The following CD109 variants were observed in gnomAD, a reference collection of about 807,000 sequenced individuals.
CD109 encodes CD109 antigen.
In CD109, 149 loss-of-function variants were observed where a neutral mutation model predicts 165.8. The ratio of observed to expected loss-of-function variants is 0.90; its 90% CI spans 0.79 to 1.03. The LOEUF is 1.03. Among genes scored for constraint, CD109 ranks in the 50% least tolerant of loss-of-function variants. The pLI is 0.00. For missense variants in CD109, 1,712 were observed against 1,677.8 expected (o/e 1.02, Z -0.36); for synonymous variants, 585 against 592.1 (o/e 0.99, Z 0.18).
intron 5 of CD109, among the ~76,000 whole-genome samples, chr6:73,740,121 C>T (rs1300276424): frequency 1.3e-5 from 2 of 152,174 alleles, no homozygotes; most frequent in Non-Finnish European, 2.9e-5. Flanking sequence ...TCAAGCAATC[C>T]TTCTGCCTTG....
At chr6:73,726,937 A>G (rs1327006106) in intron 3 of CD109, among the ~76,000 whole-genome samples, 1 of 152,138 alleles carries the variant, frequency 6.6e-6, no homozygotes, top group Admixed American at 6.5e-5. Context: ...TGGGTAAATA[A>G]TTGACTCCTG....
At chr6:73,705,693 A>G (rs1771243225) in intron 2 of CD109, among the ~76,000 whole-genome samples, 1 of 152,114 alleles carries the variant, frequency 6.6e-6, no homozygotes. Context: ...GGGTAAATTG[A>G]AAATGTCTCA....
intron 11 of CD109, 125 bp downstream of exon 11, chr6:73,766,279 A>G: frequency 1.3e-6 from 1 of 748,348 alleles, no homozygotes; most frequent in Non-Finnish European, 2.2e-6. Context: ...CTGTTTCACA[A>G]AATGGAGGAG....
the CD109 span, among the ~76,000 whole-genome samples, chr6:73,684,361 A>T: frequency 6.6e-6 from 1 of 151,726 alleles, no homozygotes; most frequent in Non-Finnish European, 1.5e-5. Flanking sequence ...CTGGGACTAC[A>T]GCTGAGTGCC....
intron 2 of CD109, among the ~76,000 whole-genome samples, chr6:73,711,016 AT>A (rs1222024075): frequency 6.6e-6 from 1 of 152,106 alleles, no homozygotes; most frequent in Admixed American, 6.6e-5. Context: ...CCCCCCAGCT[AT>A]TTAGAAATGC....
At position 73,767,023 on chromosome 6, in the gene CD109, A is replaced by G. The variant is rs201913387; in HGVS notation, c.1497+13A>G. ...GTTAAGCTATATGGTAATCTCTTAT[A>G]GAATCTAAATTTATGATCTATTATA... On this transcript the variant is annotated intron_variant, in intron 13 of 32. Coordinates refer to ENST00000287097, the MANE Select transcript of CD109 (RefSeq NM_133493.5). 8.1e-4 allele frequency: 1,299 copies of G among 1,603,664 alleles called. 9 individuals are homozygous for G. The South Asian group carries it at 0.011, about 14-fold the overall frequency.
intron 5 of CD109, 25 bp from the exon 6 acceptor site, chr6:73,756,618 C>CTT (rs777715032): frequency 2.0e-6 from 3 of 1,490,398 alleles, no homozygotes; most frequent in South Asian, 1.3e-5. Flanking sequence ...ACTTTCCTGT[C>CTT]TTTTTTTTCT....
At chr6:73,686,386 G>A in the CD109 span, among the ~76,000 whole-genome samples, 1 of 152,276 alleles carries the variant, frequency 6.6e-6, no homozygotes, top group East Asian at 1.9e-4. Context: ...TCTGAATTTT[G>A]CTAATACATC....
intron 22 of CD109, 40 bp from the exon 23 acceptor site, chr6:73,792,586 T>C: frequency 6.3e-7 from 1 of 1,588,744 alleles, no homozygotes. Flanking sequence ...TCGTTGTTAC[T>C]GAGTATTTAC....
intron 32 of CD109, 70 bp downstream of exon 32, chr6:73,820,633 C>A: frequency 1.1e-6 from 1 of 922,628 alleles, no homozygotes; most frequent in Non-Finnish European, 1.7e-6. Context: ...TTGGAAGTGA[C>A]CACACATTGG....
chr6:73,799,855 G>C (rs57799429), intron 23 of CD109, among the ~76,000 whole-genome samples: 79,584 of 147,684 alleles, frequency 0.54, 21,911 homozygotes, highest in African/African-American at 0.65. Flanking sequence ...ATTTCCCCCC[G>C]CAATTTTTTT....
chr6:73,696,998 TAAC>T (rs1175269581), intron 1 of CD109, among the ~76,000 whole-genome samples: 2 of 152,142 alleles, frequency 1.3e-5, no homozygotes, highest in African/African-American at 2.4e-5. Context: ...AGTTAAAAAA[TAAC>T]AACAACAACA....
At chr6:73,679,279 C>A in the CD109 span, among the ~76,000 whole-genome samples, 1 of 151,918 alleles carries the variant, frequency 6.6e-6, no homozygotes, top group Non-Finnish European at 1.5e-5. Context: ...CAAGGCAAGT[C>A]CAGCCAGGAT....
At position 73,818,456 on chromosome 6, in the gene CD109, C is replaced by T. The variant is rs765315736; in HGVS notation, c.3980C>T (p.Pro1327Leu). The part of the protein sequence containing the change: ...EVNLLSGFMV[P>L]SEAISLSETV... Reference sequence around the variant, plus strand: ...AACCTATTAAGTGGCTTTATGGTGCCTTCAGAAGCAATTTCTCTGAGCGAG... The same window carrying T: ...AACCTATTAAGTGGCTTTATGGTGCTTTCAGAAGCAATTTCTCTGAGCGAG... The change falls in exon 31 of 33, where the codon CCT (proline) becomes CTT (leucine). Residue 1327 changes from proline to leucine, a missense_variant. Transcript: ENST00000287097. 1.4e-5 allele frequency: 22 copies of T among 1,613,700 alleles called. No homozygotes were observed. The highest frequency in any genetic ancestry group is 1.8e-5 in the Non-Finnish European group (21 of 1,179,872).
intron 3 of CD109, among the ~76,000 whole-genome samples, chr6:73,728,274 C>T (rs981052324): frequency 1.3e-5 from 2 of 152,114 alleles, no homozygotes; most frequent in African/African-American, 2.4e-5. Flanking sequence ...TGGGCCACTG[C>T]ACTCCAGCCT....
intron 22 of CD109, among the ~76,000 whole-genome samples, chr6:73,791,714 T>C (rs1416062706): frequency 6.6e-6 from 1 of 152,250 alleles, no homozygotes; most frequent in Non-Finnish European, 1.5e-5. Context: ...TATGTTCACT[T>C]TGAATATTAA....
chr6:73,791,849 T>TC (rs1774983670), intron 22 of CD109, among the ~76,000 whole-genome samples: 1 of 152,190 alleles, frequency 6.6e-6, no homozygotes, highest in South Asian at 2.1e-4. Context: ...CCCTTTTTTT[T>TC]CATATTCATT....
At position 73,755,681 on chromosome 6, in the gene CD109, G is replaced by C. The variant is rs534245465; in HGVS notation, c.634-962G>C. 6.6e-5 allele frequency among the ~76,000 whole-genome samples: 10 copies of C among 152,178 alleles called. No homozygotes were observed. In the South Asian group the frequency reaches 2.1e-3, roughly 32 times the overall value. On this transcript the variant is annotated intron_variant, in intron 5 of 32. Coordinates refer to ENST00000287097, the MANE Select transcript of CD109 (RefSeq NM_133493.5). Reference sequence around the variant, plus strand: ...GAGCGATTTAGAAATATGAAGAGTTGACTGGGCATGGTGTCTCATGCCTGT... The same window carrying C: ...GAGCGATTTAGAAATATGAAGAGTTCACTGGGCATGGTGTCTCATGCCTGT...
At chr6:73,740,615 T>C (rs1208866426) in intron 5 of CD109, among the ~76,000 whole-genome samples, 4 of 136,866 alleles carry the variant, frequency 2.9e-5, no homozygotes, top group African/African-American at 1.0e-4. Flanking sequence ...TTTTTTTTTT[T>C]TTCGAGACAG....
Sources: gnomAD v4.1 joint callset for allele counts (sites outside exome capture counted in the v4.1 genomes callset) on GRCh38, gnomAD v4.1.1 for gene constraint, MANE v1.5 for transcripts, NCBI Gene and HGNC (gene_info 2026-07-23, HGNC 2026-07-21) for gene names.